ASIC2: variants seen among roughly 807,000 people sequenced by gnomAD.
ASIC2 encodes acid sensing ion channel subunit 2.
In ASIC2, 25 loss-of-function variants were observed where a neutral mutation model predicts 57.3. The observed-to-expected ratio is 0.44, with a 90% CI of 0.32 to 0.61. The LOEUF (loss-of-function observed/expected upper bound fraction) is 0.61. Among genes scored for constraint, ASIC2 ranks in the 20% least tolerant of loss-of-function variants. ASIC2 has a pLI of 0.06. For missense variants in ASIC2, 641 were observed against 738.1 expected (o/e 0.87, Z 1.52); for synonymous variants, 319 against 307.5 (o/e 1.04, Z -0.39).
chr17:33,204,216 A>G (rs1906978775), intron 1 of ASIC2, among the ~76,000 whole-genome samples: 3 of 152,160 alleles, frequency 2.0e-5, no homozygotes, highest in African/African-American at 7.2e-5. Flanking sequence ...GAATATCAAA[A>G]TCCCCTAGAA....
At chr17:33,426,557 G>A (rs1911227391) in intron 1 of ASIC2, among the ~76,000 whole-genome samples, 1 of 152,232 alleles carries the variant, frequency 6.6e-6, no homozygotes, top group Non-Finnish European at 1.5e-5. Flanking sequence ...ATGGATACCA[G>A]GCATGAGTGG....
intron 3 of ASIC2, among the ~76,000 whole-genome samples, chr17:33,067,657 C>G (rs2092049381): frequency 6.6e-6 from 1 of 152,148 alleles, no homozygotes; most frequent in African/African-American, 2.4e-5. Flanking sequence ...GAGGGTGGAG[C>G]AGGTTTAGGG....
chr17:33,088,917 C>A lies in ASIC2; in HGVS notation c.933G>T (p.Leu311=), dbSNP rs541999706. ...SQSEPPFIQE[L]GFGVAPGFQT... ...GGAACCCTGGAGCCACCCCAAAGCCCAGCTCTTGGATGAAAGGTGGCTCAG... is the reference window on the plus strand; with the variant it reads ...GGAACCCTGGAGCCACCCCAAAGCCAAGCTCTTGGATGAAAGGTGGCTCAG... The change falls in exon 3 of 10, where the codon CTG becomes CTT. Residue 311 remains leucine (L), a synonymous_variant. Transcript: ENST00000225823. The A allele has an allele frequency of 7.4e-6, 12 of 1,614,096 alleles. No individual in the cohort carries two copies. The South Asian group carries it at 8.8e-5, about 12-fold the overall frequency.
intron 1 of ASIC2, among the ~76,000 whole-genome samples, chr17:34,081,534 C>T (rs921312501): frequency 6.6e-6 from 1 of 152,154 alleles, no homozygotes; most frequent in African/African-American, 2.4e-5. Context: ...TTATTGGGCC[C>T]TTGGGTCATT....
rs1315314318 is a variant in ASIC2 at position 33,287,758 on chromosome 17, C to T, written c.708+3650G>A. Among the ~76,000 whole-genome samples the T allele has an allele frequency of 2.0e-5, 3 of 152,278 alleles. No individual in the cohort carries two copies. In the East Asian group the frequency reaches 5.8e-4, roughly 29 times the overall value. ...AAATGGGACTTAGGGACAGCTGGCA[C>T]TTCCCCCCAAAGGCCTCCTCTAGAA... On this transcript the variant is annotated intron_variant, in intron 1 of 9. Coordinates refer to ENST00000225823, the MANE Select transcript of ASIC2 (RefSeq NM_183377.2).
intron 1 of ASIC2, among the ~76,000 whole-genome samples, chr17:33,648,404 C>T (rs1906813310): frequency 6.6e-6 from 1 of 152,242 alleles, no homozygotes; most frequent in East Asian, 1.9e-4. Context: ...GAGCACTTCG[C>T]ATGTTGTTCA....
intron 1 of ASIC2, among the ~76,000 whole-genome samples, chr17:33,658,011 G>C (rs888980951): frequency 2.6e-5 from 4 of 152,138 alleles, no homozygotes; most frequent in African/African-American, 9.7e-5. Flanking sequence ...ACTACAATAA[G>C]CCAGTCCAGA....
chr17:33,396,430 G>A (rs774719087), intron 1 of ASIC2, among the ~76,000 whole-genome samples: 1 of 152,158 alleles, frequency 6.6e-6, no homozygotes, highest in African/African-American at 2.4e-5. Context: ...TTATAAGAAC[G>A]CATGAAATGA....
intron 1 of ASIC2, among the ~76,000 whole-genome samples, chr17:34,109,224 C>G (rs1446096359): frequency 2.0e-5 from 3 of 152,066 alleles, no homozygotes; most frequent in African/African-American, 7.2e-5. Flanking sequence ...CTGTTTAACT[C>G]TTTGTTTTTT....
At chr17:33,550,196 T>G (rs1363804372) in intron 1 of ASIC2, among the ~76,000 whole-genome samples, 1 of 152,202 alleles carries the variant, frequency 6.6e-6, no homozygotes, top group Non-Finnish European at 1.5e-5. Flanking sequence ...CTTTGTCTAC[T>G]CTGTGAATAT....
chr17:33,860,780 A>G (rs1222304950), intron 1 of ASIC2, among the ~76,000 whole-genome samples: 1 of 152,234 alleles, frequency 6.6e-6, no homozygotes, highest in Non-Finnish European at 1.5e-5. Flanking sequence ...TCTATCAGTC[A>G]TGTATGCAGA....
chr17:33,839,237 C>T (rs1390136393), intron 1 of ASIC2, among the ~76,000 whole-genome samples: 1 of 152,134 alleles, frequency 6.6e-6, no homozygotes, highest in Admixed American at 6.5e-5. Flanking sequence ...GCAATCAAGA[C>T]AATAGATCTA....
At chr17:33,454,458 T>C (rs1412199880) in intron 1 of ASIC2, among the ~76,000 whole-genome samples, 1 of 152,228 alleles carries the variant, frequency 6.6e-6, no homozygotes, top group African/African-American at 2.4e-5. Flanking sequence ...ATGCCCATTG[T>C]AGGCACCCAG....
intron 1 of ASIC2, among the ~76,000 whole-genome samples, chr17:33,892,465 T>C (rs1398619249): frequency 6.6e-6 from 1 of 152,098 alleles, no homozygotes; most frequent in Non-Finnish European, 1.5e-5. Flanking sequence ...GGCAACCTCC[T>C]CATCAGCTTT....
intron 1 of ASIC2, among the ~76,000 whole-genome samples, chr17:33,378,056 A>T (rs1431546060): frequency 6.6e-6 from 1 of 152,070 alleles, no homozygotes; most frequent in Non-Finnish European, 1.5e-5. Context: ...ACTGGATAGC[A>T]CTCTCTGCTC....
chr17:33,115,733 T>C (rs1411312505), intron 1 of ASIC2, among the ~76,000 whole-genome samples: 1 of 152,258 alleles, frequency 6.6e-6, no homozygotes, highest in Non-Finnish European at 1.5e-5. Context: ...CATTATAGTG[T>C]CTATCAAAGT....
At chr17:33,253,300 T>C (rs969494819) in intron 1 of ASIC2, among the ~76,000 whole-genome samples, 1 of 152,142 alleles carries the variant, frequency 6.6e-6, no homozygotes, top group African/African-American at 2.4e-5. Context: ...CAAACAGATA[T>C]ATTACTGACT....
At position 33,291,515 on chromosome 17, in the gene ASIC2, C is replaced by T; in HGVS notation, c.601G>A (p.Glu201Lys). ...TCCATGAAGGCGGCGCTGATTCCCTCGAAGTGGCGCGGAGGCAGGAAGAGG... is the reference window on the plus strand; with the variant it reads ...TCCATGAAGGCGGCGCTGATTCCCTTGAAGTGGCGCGGAGGCAGGAAGAGG... ...FRLFLPPRHFEGISAAFMDRL... is the reference protein window; with the variant it reads ...FRLFLPPRHFKGISAAFMDRL... Residue 201 changes from glutamate (E) to lysine (K), a missense_variant, in exon 1 of 10, where the codon GAG becomes AAG. By Grantham distance (56) the Glu-to-Lys change is moderately conservative. Around this residue, in one of 3 missense-constraint regions of ASIC2, gnomAD observed 382 missense variants for 398.0 expected, o/e 0.96. Transcript: ENST00000225823. 2 of 1,612,686 alleles carry T rather than the reference C, an allele frequency of 1.2e-6. No individual in the cohort carries two copies. The highest frequency in any genetic ancestry group is 1.1e-5 in the South Asian group (1 of 91,078).
intron 1 of ASIC2, among the ~76,000 whole-genome samples, chr17:33,452,929 C>T (rs1048613605): frequency 6.6e-6 from 1 of 152,014 alleles, no homozygotes; most frequent in Admixed American, 6.6e-5. Context: ...AACTGCTCTA[C>T]ATGCCAGTAT....
Sources: allele counts gnomAD v4.1 joint callset (sites outside exome capture counted in the v4.1 genomes callset), GRCh38; gene constraint gnomAD v4.1.1; regional missense constraint gnomAD v4.1.1; transcripts MANE v1.5; gene names NCBI Gene and HGNC (gene_info 2026-07-23, HGNC 2026-07-21).